CNIH4: variants seen among roughly 807,000 people sequenced by gnomAD.
CNIH4 encodes cornichon family member 4, also known as protein cornichon homolog 4.
A neutral mutation model predicts 21.5 loss-of-function variants in CNIH4; 9 were observed. The observed-to-expected ratio is 0.42, with a 90% CI of 0.25 to 0.73. The LOEUF (loss-of-function observed/expected upper bound fraction) is 0.73. CNIH4 is among the 30% of genes least tolerant of loss of function. The pLI is 0.27. For missense variants in CNIH4, 159 were observed against 170.0 expected (o/e 0.94, Z 0.36); for synonymous variants, 67 against 59.1 (o/e 1.13, Z -0.61).
At chr1:224,372,157 A>G (rs1052198314) in intron 4 of CNIH4, among the ~76,000 whole-genome samples, 2 of 152,216 alleles carry the variant, frequency 1.3e-5, no homozygotes, top group Admixed American at 6.5e-5. Flanking sequence ...CTAAATGTCT[A>G]TTATGGTAAA....
In CNIH4 at chr1:224,375,862, T is replaced by G; in HGVS notation, c.*40T>G. ...TGGTTGAAGTCAGCCTACACTACAGTGCACAGTTGAGGAGCCAGAGACTTC... is the reference window on the plus strand; with the variant it reads ...TGGTTGAAGTCAGCCTACACTACAGGGCACAGTTGAGGAGCCAGAGACTTC... On this transcript the variant is annotated 3_prime_UTR_variant, in exon 5 of 5. Transcript: ENST00000465271. The G allele has an allele frequency of 6.2e-7, 1 of 1,612,466 alleles. No homozygotes were observed. Among genetic ancestry groups the G allele is most frequent in the Non-Finnish European group, 8.5e-7 (1 of 1,179,106 alleles).
At position 224,363,318 on chromosome 1, in the gene CNIH4, A is replaced by T. The variant is rs575944676; in HGVS notation, c.139-2561A>T. The stretch of plus-strand genomic sequence containing the variant: ...CTCGGCCTCCCAAAGTGCTGGGATT[A>T]CAGGCATGAGCCACTGCACCCAGCC... On this transcript the variant is annotated intron_variant, in intron 2 of 4. Coordinates refer to ENST00000465271, the MANE Select transcript of CNIH4 (RefSeq NM_014184.4). Among the ~76,000 whole-genome samples the T allele has an allele frequency of 7.2e-5, 11 of 152,356 alleles. No homozygotes were observed. The East Asian group carries it at 1.7e-3, about 24-fold the overall frequency.
rs942960795 is a variant in CNIH4, at chr1:224,357,094, G to A, written c.69+101G>A. 1.4e-5 allele frequency: 20 copies of A among 1,387,340 alleles called. No individual in the cohort carries two copies. In the African/African-American group the frequency reaches 2.9e-4, roughly 20 times the overall value. The allele number at this position is 1,387,340 out of a possible 1,614,324, so 85.9% of individuals were successfully genotyped here. ...GTGTGTGGGACTAGGGAGGCGCCCGGCGGCGGGCGTGGGCTCCCTGGGAGC... is the reference window on the plus strand; with the variant it reads ...GTGTGTGGGACTAGGGAGGCGCCCGACGGCGGGCGTGGGCTCCCTGGGAGC... On this transcript the variant is annotated intron_variant, in intron 1 of 4. Coordinates refer to ENST00000465271, the MANE Select transcript of CNIH4 (RefSeq NM_014184.4).
chr1:224,357,944 G>A (rs950151397), intron 1 of CNIH4, among the ~76,000 whole-genome samples: 1 of 152,134 alleles, frequency 6.6e-6, no homozygotes, highest in Non-Finnish European at 1.5e-5. Context: ...AAGAAAAAAC[G>A]TATGAGGAAC....
intron 1 of CNIH4, 21 bp downstream of exon 1, chr1:224,357,014 C>A (rs1449311422): frequency 3.8e-6 from 6 of 1,599,408 alleles, no homozygotes; most frequent in Non-Finnish European, 5.1e-6. Flanking sequence ...CTGAGGCAGG[C>A]GAACGCCTTG....
intron 2 of CNIH4, among the ~76,000 whole-genome samples, chr1:224,364,641 A>G (rs1360961110): frequency 6.6e-6 from 1 of 152,204 alleles, no homozygotes; most frequent in Admixed American, 6.5e-5. Context: ...TAGCATTTTA[A>G]AAAGTATAGC....
Position 224,376,868 on chromosome 1 carries a change from C to A in CNIH4, c.*1046C>A. 1 of 985,426 alleles carries A rather than the reference C, an allele frequency of 1.0e-6. No homozygotes were observed. The highest frequency in any genetic ancestry group is 1.2e-6 in the Non-Finnish European group (1 of 829,928). 61.0% of individuals were successfully genotyped at this position (985,426 alleles called of 1,614,324 possible). A position where few individuals can be genotyped will look rare whatever the true frequency, so the allele number is the denominator to read the frequency against. ...CCAGCTCTTACAGGGTAAAATAAAC[C>A]TGGCAATTTATCCTCAGTCCTAGTT... On this transcript the variant is annotated 3_prime_UTR_variant, in exon 5 of 5. Transcript: ENST00000465271.
Position 224,379,108 on chromosome 1 carries a change from G to A in CNIH4, c.*3286G>A, listed in dbSNP as rs570344591. 35 of 1,550,522 alleles carry A rather than the reference G, an allele frequency of 2.3e-5. No individual in the cohort carries two copies. Among genetic ancestry groups the A allele is most frequent in the Non-Finnish European group, 2.9e-5 (33 of 1,146,920 alleles). ...CTTGCTAATCACCGTAACCTCGGCT[G>A]AGAAAGAAGAGGAAGCGAAATCCAA... On this transcript the variant is annotated 3_prime_UTR_variant, in exon 5 of 5. Coordinates refer to ENST00000465271, the MANE Select transcript of CNIH4 (RefSeq NM_014184.4).
At chr1:224,359,652 C>T (rs928822273) in intron 1 of CNIH4, among the ~76,000 whole-genome samples, 1 of 152,134 alleles carries the variant, frequency 6.6e-6, no homozygotes, top group South Asian at 2.1e-4. Flanking sequence ...CTTACTGCTG[C>T]CTCCATCTCC....
chr1:224,367,908 G>C (rs1672512852), intron 3 of CNIH4, among the ~76,000 whole-genome samples: 1 of 152,206 alleles, frequency 6.6e-6, no homozygotes, highest in South Asian at 2.1e-4. Flanking sequence ...TGAGAATGAG[G>C]ATCTTAATGT....
chr1:224,370,457 A>G (rs16847675), intron 3 of CNIH4, among the ~76,000 whole-genome samples: 13,426 of 152,248 alleles, frequency 0.088, 1,829 homozygotes, highest in African/African-American at 0.29. Context: ...AGCAGGAAGA[A>G]TTCATGGACA....
Position 224,376,004 on chromosome 1 carries a change from G to T in CNIH4, c.*182G>T. On this transcript the variant is annotated 3_prime_UTR_variant, in exon 5 of 5. Coordinates refer to ENST00000465271, the MANE Select transcript of CNIH4 (RefSeq NM_014184.4). ...TTTAAAAAACATGAATTGAGTTTCT[G>T]TAGATTTCTAGTTCTCAACTTTAGC... 4 of 1,288,344 alleles carry T rather than the reference G, an allele frequency of 3.1e-6. No homozygotes were observed. The highest frequency in any genetic ancestry group is 3.9e-6 in the Non-Finnish European group (4 of 1,016,940). The allele number at this position is 1,288,344 out of a possible 1,614,324, so 79.8% of individuals were successfully genotyped here.
At chr1:224,364,466 T>C in intron 2 of CNIH4, 1 of 790,256 alleles carries the variant, frequency 1.3e-6, no homozygotes, top group Non-Finnish European at 1.5e-6. Flanking sequence ...GTAGGTATTA[T>C]GTGTATTTTA....
At chr1:224,363,113 T>G (rs1472433882) in intron 2 of CNIH4, among the ~76,000 whole-genome samples, 2 of 152,148 alleles carry the variant, frequency 1.3e-5, no homozygotes, top group African/African-American at 4.8e-5. Context: ...GGTGCTATCT[T>G]GGCTCACTGA....
intron 3 of CNIH4, among the ~76,000 whole-genome samples, chr1:224,367,013 T>TTTTA (rs1303197738): frequency 9.2e-5 from 14 of 151,960 alleles, no homozygotes; most frequent in African/African-American, 3.4e-4. Context: ...AAATTTTTTA[T>TTTTA]TTAATAAATT....
intron 4 of CNIH4, among the ~76,000 whole-genome samples, chr1:224,375,116 G>C (rs976468906): frequency 6.6e-6 from 1 of 152,216 alleles, no homozygotes; most frequent in African/African-American, 2.4e-5. Flanking sequence ...AAGTGACACA[G>C]AGGAGCAGCA....
At chr1:224,357,099 G>C (rs575110488) in intron 1 of CNIH4, 106 bp downstream of exon 1, 2 of 1,309,044 alleles carry the variant, frequency 1.5e-6, no homozygotes, top group African/African-American at 1.5e-5. Flanking sequence ...GCCCGGCGGC[G>C]GGCGTGGGCT....
chr1:224,370,770 T>G (rs2102864711), intron 3 of CNIH4, among the ~76,000 whole-genome samples: 1 of 152,200 alleles, frequency 6.6e-6, no homozygotes, highest in African/African-American at 2.4e-5. Context: ...GGCAGAAGAT[T>G]AACAGTATTA....
At chr1:224,359,009 G>C (rs1672195652) in intron 1 of CNIH4, among the ~76,000 whole-genome samples, 2 of 152,202 alleles carry the variant, frequency 1.3e-5, no homozygotes, top group Non-Finnish European at 2.9e-5. Context: ...AAGGGGAAGA[G>C]GTGAATATTC....
Sources: gnomAD v4.1 joint callset for allele counts (sites outside exome capture counted in the v4.1 genomes callset) on GRCh38, gnomAD v4.1.1 for gene constraint, MANE v1.5 for transcripts, NCBI Gene and HGNC (gene_info 2026-07-23, HGNC 2026-07-21) for gene names.